The following ZNF624 variants were observed in gnomAD, a reference collection of about 807,000 sequenced individuals.
The protein encoded by ZNF624 is zinc finger protein 624.
ZNF624 carries 43 observed loss-of-function variants against 74.7 expected under a neutral mutation model. That is an observed-to-expected ratio of 0.58 (90% CI 0.45 to 0.74). The LOEUF (loss-of-function observed/expected upper bound fraction) is 0.74, where lower values mean the gene tolerates loss of function less well. ZNF624 is among the 30% of genes least tolerant of loss of function. ZNF624 has a pLI of 0.00. For missense variants in ZNF624, 820 were observed against 1,030.0 expected (o/e 0.80, Z 2.79); for synonymous variants, 331 against 341.3 (o/e 0.97, Z 0.33).
chr17:16,642,915 A>C (rs1909499870), intron 3 of ZNF624, among the ~76,000 whole-genome samples: 1 of 152,228 alleles, frequency 6.6e-6, no homozygotes, highest in Non-Finnish European at 1.5e-5. Context: ...TATGCTCAAG[A>C]GAAGATGCTG....
intron 5 of ZNF624, among the ~76,000 whole-genome samples, chr17:16,632,415 A>AT (rs1909227868): frequency 6.6e-6 from 1 of 151,776 alleles, no homozygotes; most frequent in Non-Finnish European, 1.5e-5. Context: ...TAAAACAAGT[A>AT]TTTTTTCTTG....
chr17:16,649,866 T>A (rs999849888), intron 1 of ZNF624, 120 bp from the exon 2 acceptor site: 1 of 735,130 alleles, frequency 1.4e-6, no homozygotes, highest in Non-Finnish European at 2.3e-6. Flanking sequence ...GAGTAACCCT[T>A]AAGATCAGTG....
chr17:16,620,668 T>C (rs1162743925), downstream of ZNF624: 3 of 152,178 alleles, frequency 2.0e-5, no homozygotes, highest in South Asian at 2.1e-4. Context: ...CTCCCCCTCA[T>C]TGTATATCCA....
intron 2 of ZNF624, 110 bp from the exon 3 acceptor site, chr17:16,647,504 T>G: frequency 1.2e-6 from 1 of 800,652 alleles, no homozygotes; most frequent in Non-Finnish European, 2.2e-6. Context: ...CAGGATGACC[T>G]CACCTACTGT....
At chr17:16,634,937 A>T (rs1378705944) in intron 3 of ZNF624, among the ~76,000 whole-genome samples, 181 bp from the exon 4 acceptor site, 1 of 152,240 alleles carries the variant, frequency 6.6e-6, no homozygotes, top group African/African-American at 2.4e-5. Flanking sequence ...TGAAACCATA[A>T]TATGCTGCCT....
Position 16,623,350 on chromosome 17 carries a change from G to T in ZNF624, c.1536C>A (p.Ile512=). ...CNECGKAFNR[I]ANFTEHQRIH... ...TTCGCTGATGTTCTGTGAAATTTGCGATGCGGTTGAATGCTTTCCCACATT... is the reference window on the plus strand; with the variant it reads ...TTCGCTGATGTTCTGTGAAATTTGCTATGCGGTTGAATGCTTTCCCACATT... The change falls in exon 6 of 6, where the codon ATC becomes ATA. Residue 512 remains isoleucine (I), a synonymous_variant. Transcript: ENST00000311331. The surrounding 1 kb of genome is among the most constrained non-coding windows in gnomAD (Gnocchi z 5.3). 6.2e-7 allele frequency: 1 copy of T among 1,612,940 alleles called. No homozygotes were observed. The highest frequency in any genetic ancestry group is 8.5e-7 in the Non-Finnish European group (1 of 1,179,348).
rs757386568 is a variant in ZNF624, at chr17:16,634,683, C to T, written c.227G>A (p.Arg76Lys). 7 of 1,613,862 alleles carry T rather than the reference C, an allele frequency of 4.3e-6. No individual in the cohort carries two copies. The highest frequency in any genetic ancestry group is 5.9e-6 in the Non-Finnish European group (7 of 1,179,820). ...TAGCATCACATCCTTGTGCAGGTTC[C>T]TCTGTGTAGGGTCCATCAACCTCCA... ...EEWRLMDPTQ[R>K]NLHKDVMLEN... Residue 76 changes from arginine to lysine, a missense_variant, in exon 4 of 6, where the codon AGG becomes AAG. Physicochemically the swap from Arg to Lys is conservative, Grantham distance 26. Transcript: ENST00000311331.
intron 3 of ZNF624, among the ~76,000 whole-genome samples, 175 bp downstream of exon 3, chr17:16,647,154 C>T (rs574333586): frequency 1.3e-5 from 2 of 152,274 alleles, no homozygotes; most frequent in South Asian, 2.1e-4. Flanking sequence ...GGCTAGATTA[C>T]GGCTGCCACC....
intron 5 of ZNF624, among the ~76,000 whole-genome samples, chr17:16,625,580 T>G (rs2142576681): frequency 6.6e-6 from 1 of 152,316 alleles, no homozygotes; most frequent in African/African-American, 2.4e-5. Flanking sequence ...TGTACATACC[T>G]TTTAATAAAA....
At chr17:16,630,225 C>T (rs1316341050) in intron 5 of ZNF624, among the ~76,000 whole-genome samples, 1 of 152,050 alleles carries the variant, frequency 6.6e-6, no homozygotes, top group Non-Finnish European at 1.5e-5. Context: ...AAAATATCCT[C>T]CCAAAATGAA....
chr17:16,628,427 A>AT (rs1410866246), intron 5 of ZNF624, among the ~76,000 whole-genome samples: 4 of 152,238 alleles, frequency 2.6e-5, no homozygotes, highest in Non-Finnish European at 5.9e-5. Context: ...CAAGAACATA[A>AT]GATTAACAAT....
chr17:16,623,180 G>C lies in ZNF624; in HGVS notation c.1706C>G (p.Ser569Cys). 6.2e-7 allele frequency: 1 copy of C among 1,613,860 alleles called. No homozygotes were observed. The highest frequency in any genetic ancestry group is 1.1e-5 in the South Asian group (1 of 91,042). ...AATACGCTGATGTATAATTAGAGAA[G>C]AAGAACGCATGAAGGCCTTTCCACA... Reference protein sequence around the residue: ...TECGKAFMRSSSLIIHQRIHT... With the variant: ...TECGKAFMRSCSLIIHQRIHT... The change falls in exon 6 of 6, where the codon TCT becomes TGT. Residue 569 changes from serine to cysteine, a missense_variant. Transcript: ENST00000311331. The surrounding 1 kb of genome is among the most constrained non-coding windows in gnomAD (Gnocchi z 5.3).
At chr17:16,648,237 C>T (rs896660467) in intron 2 of ZNF624, among the ~76,000 whole-genome samples, 3 of 151,926 alleles carry the variant, frequency 2.0e-5, no homozygotes, top group African/African-American at 7.3e-5. Context: ...AGCCACTGCG[C>T]CCAGCCCATG....
At chr17:16,626,849 C>A (rs1410178091) in intron 5 of ZNF624, among the ~76,000 whole-genome samples, 1 of 151,942 alleles carries the variant, frequency 6.6e-6, no homozygotes, top group Non-Finnish European at 1.5e-5. Context: ...CTGACATCAG[C>A]AGTTCTAGAC....
At chr17:16,647,003 T>C (rs1182250771) in intron 3 of ZNF624, among the ~76,000 whole-genome samples, 1 of 152,232 alleles carries the variant, frequency 6.6e-6, no homozygotes, top group Non-Finnish European at 1.5e-5. Context: ...CAATTTAAAC[T>C]CATCTTAACA....
chr17:16,617,946 G>A (rs1260668505), downstream of ZNF624: 6 of 1,006,042 alleles, frequency 6.0e-6, no homozygotes, highest in African/African-American at 3.2e-5. Context: ...AGTAGCCGCG[G>A]TGCGGGTGCG....
chr17:16,623,972 T>C lies in ZNF624; in HGVS notation c.914A>G (p.Glu305Gly), dbSNP rs752974188. 6.2e-7 allele frequency: 1 copy of C among 1,613,974 alleles called. No homozygotes were observed. Among genetic ancestry groups the C allele is most frequent in the Non-Finnish European group, 8.5e-7 (1 of 1,180,014 alleles). ...QRTHTKEKPY[E>G]CNECGKTFSQ... ...GAATGTTTTCCCACATTCATTACAT[T>C]CATAAGGTTTTTCTTTAGTATGAGT... The change falls in exon 6 of 6, where the codon GAA (glutamate) becomes GGA (glycine). Residue 305 changes from glutamate (E) to glycine (G), a missense_variant. By Grantham distance (98) the Glu-to-Gly change is moderately conservative. Transcript: ENST00000311331. This position sits in a 1 kb window ranked among gnomAD's most constrained non-coding sequence, Gnocchi z 5.3.
chr17:16,633,980 G>T, intron 4 of ZNF624, 23 bp from the exon 5 acceptor site: 2 of 1,592,070 alleles, frequency 1.3e-6, no homozygotes, highest in South Asian at 1.1e-5. Context: ...AAATAAATAG[G>T]ATTTGATTGG....
chr17:16,637,736 A>C (rs960577927), intron 3 of ZNF624, among the ~76,000 whole-genome samples: 1 of 152,270 alleles, frequency 6.6e-6, no homozygotes, highest in African/African-American at 2.4e-5. Context: ...TTAAAGACTT[A>C]CATGTTAGGC....
Sources: gnomAD v4.1 joint callset for allele counts (sites outside exome capture counted in the v4.1 genomes callset) on GRCh38, gnomAD v4.1.1 for gene constraint, Gnocchi (gnomAD v3.1) non-coding constraint, MANE v1.5 for transcripts, NCBI Gene and HGNC (gene_info 2026-07-23, HGNC 2026-07-21) for gene names.